Variants in ATXN1 observed in about 807,000 individuals in gnomAD.
ATXN1 encodes ataxin-1.
ATXN1 carries 8 observed loss-of-function variants against 56.4 expected under a neutral mutation model. The ratio of observed to expected loss-of-function variants is 0.14; its 90% CI spans 0.08 to 0.26. ATXN1 has a LOEUF of 0.26. Among genes scored for constraint, ATXN1 ranks in the 10% least tolerant of loss-of-function variants. The probability of loss-of-function intolerance (pLI) is 1.00; values close to 1 mark genes in which losing one functional copy is unlikely to be tolerated. For missense variants in ATXN1, 987 were observed against 1,106.5 expected, an observed-to-expected ratio of 0.89 and a Z score of 1.53; for synonymous variants, 514 against 494.6, an observed-to-expected ratio of 1.04 and a Z score of -0.52.
intron 6 of ATXN1, among the ~76,000 whole-genome samples, chr6:16,427,710 G>A (rs1285688215): frequency 6.6e-6 from 1 of 152,198 alleles, no homozygotes; most frequent in Non-Finnish European, 1.5e-5. Context: ...AAGTTTTCAG[G>A]CAGATACAAC....
At chr6:16,567,548 T>C (rs529479290) in intron 4 of ATXN1, among the ~76,000 whole-genome samples, 2 of 152,312 alleles carry the variant, frequency 1.3e-5, no homozygotes, top group African/African-American at 4.8e-5. Context: ...ACAATCTAAC[T>C]CTGACAAGCT....
At chr6:16,585,443 C>T (rs543033687) in intron 4 of ATXN1, among the ~76,000 whole-genome samples, 9 of 152,150 alleles carry the variant, frequency 5.9e-5, no homozygotes, top group Non-Finnish European at 1.2e-4. Context: ...ATCTCTACTA[C>T]TTCTACAATC....
chr6:16,368,715 GA>G (rs1761980535), intron 6 of ATXN1, among the ~76,000 whole-genome samples: 2 of 152,132 alleles, frequency 1.3e-5, no homozygotes, highest in African/African-American at 4.8e-5. Context: ...AAAATGTGAT[GA>G]GGAATAGTAA....
At chr6:16,471,768 G>T (rs1760224116) in intron 6 of ATXN1, among the ~76,000 whole-genome samples, 1 of 151,928 alleles carries the variant, frequency 6.6e-6, no homozygotes, top group African/African-American at 2.4e-5. Context: ...CATAAGAGAA[G>T]GTTGGAAGAG....
At chr6:16,604,353 GT>G (rs1762964121) in intron 3 of ATXN1, among the ~76,000 whole-genome samples, 1 of 149,286 alleles carries the variant, frequency 6.7e-6, no homozygotes, top group South Asian at 2.1e-4. Context: ...AAAAATTATC[GT>G]GGCACGTGGT....
At chr6:16,518,175 G>A (rs1409865698) in intron 5 of ATXN1, among the ~76,000 whole-genome samples, 1 of 152,220 alleles carries the variant, frequency 6.6e-6, no homozygotes, top group East Asian at 1.9e-4. Flanking sequence ...GCCTGATGGG[G>A]TGCAGGGAGC....
chr6:16,717,533 TCAA>T (rs1759663883), intron 2 of ATXN1, among the ~76,000 whole-genome samples: 1 of 152,228 alleles, frequency 6.6e-6, no homozygotes, highest in Non-Finnish European at 1.5e-5. Flanking sequence ...CAGCAATTTC[TCAA>T]GGCACATCAA....
intron 3 of ATXN1, among the ~76,000 whole-genome samples, chr6:16,611,067 A>G (rs1189989750): frequency 6.6e-6 from 1 of 152,148 alleles, no homozygotes; most frequent in Non-Finnish European, 1.5e-5. Flanking sequence ...AGAGCATATA[A>G]CAAACAACTG....
intron 6 of ATXN1, among the ~76,000 whole-genome samples, chr6:16,361,251 C>G (rs143332218): frequency 6.6e-6 from 1 of 152,062 alleles, no homozygotes; most frequent in Admixed American, 6.5e-5. Flanking sequence ...TCAGGGGTAA[C>G]AAGGGTGAAA....
chr6:16,369,545 T>C (rs1761997625), intron 6 of ATXN1, among the ~76,000 whole-genome samples: 1 of 152,214 alleles, frequency 6.6e-6, no homozygotes, highest in African/African-American at 2.4e-5. Context: ...TAAATGCCCA[T>C]GGACAGGGGT....
intron 3 of ATXN1, among the ~76,000 whole-genome samples, chr6:16,617,377 A>T (rs1763233243): frequency 1.3e-5 from 2 of 152,190 alleles, no homozygotes; most frequent in African/African-American, 4.8e-5. Context: ...AAATTAGTCT[A>T]TGTACACATG....
Position 16,552,967 on chromosome 6 carries a change from G to A in ATXN1, c.-360-30279C>T, listed in dbSNP as rs114715336. 1.0e-3 allele frequency among the ~76,000 whole-genome samples: 158 copies of A among 152,340 alleles called. 1 individual carries two copies. Among genetic ancestry groups the A allele is most frequent in the African/African-American group, 3.7e-3 (152 of 41,584 alleles). On this transcript the variant is annotated intron_variant, in intron 4 of 7. Coordinates refer to ENST00000436367, the MANE Select transcript of ATXN1 (RefSeq NM_001128164.2). The stretch of plus-strand genomic sequence containing the variant: ...ATCATTAAAACGCCAGAGAACCAAA[G>A]GGCTTCGACTTCAGGAGACCTCCTT...
intron 2 of ATXN1, among the ~76,000 whole-genome samples, chr6:16,699,710 C>T (rs1027502744): frequency 8.5e-5 from 13 of 152,178 alleles, no homozygotes; most frequent in Admixed American, 3.3e-4. Flanking sequence ...TTTTTATTAA[C>T]GTAAGACCTC....
At chr6:16,379,751 G>A (rs1301659086) in intron 6 of ATXN1, among the ~76,000 whole-genome samples, 2 of 152,272 alleles carry the variant, frequency 1.3e-5, no homozygotes, top group Non-Finnish European at 1.5e-5. Flanking sequence ...ACTCTACAGA[G>A]GCATCAGCAA....
At chr6:16,524,114 C>T (rs922875420) in intron 4 of ATXN1, among the ~76,000 whole-genome samples, 2 of 152,296 alleles carry the variant, frequency 1.3e-5, no homozygotes, top group East Asian at 3.9e-4. Flanking sequence ...ATGTGGCCGG[C>T]CACCAGGGCA....
chr6:16,644,628 AAT>A (rs1419541657), intron 3 of ATXN1, among the ~76,000 whole-genome samples: 1 of 151,540 alleles, frequency 6.6e-6, no homozygotes, highest in Non-Finnish European at 1.5e-5. Context: ...TTAAAAATCA[AAT>A]TAAGGACACT....
chr6:16,674,397 A>C (rs1458752573), intron 2 of ATXN1, among the ~76,000 whole-genome samples: 1 of 127,884 alleles, frequency 7.8e-6, no homozygotes, highest in Non-Finnish European at 1.5e-5. Context: ...GCTGGAGTGC[A>C]GTGGTGTGAT....
At chr6:16,624,495 T>C (rs989012121) in intron 3 of ATXN1, among the ~76,000 whole-genome samples, 2 of 152,114 alleles carry the variant, frequency 1.3e-5, no homozygotes, top group Non-Finnish European at 2.9e-5. Flanking sequence ...CCACAATGTA[T>C]GGTTTATTTA....
At chr6:16,447,089 C>T (rs907661461) in intron 6 of ATXN1, among the ~76,000 whole-genome samples, 1 of 152,172 alleles carries the variant, frequency 6.6e-6, no homozygotes, top group Non-Finnish European at 1.5e-5. Flanking sequence ...AATGATAGTG[C>T]TTATCACTAG....
Sources: gnomAD v4.1 joint callset for allele counts (sites outside exome capture counted in the v4.1 genomes callset) on GRCh38, gnomAD v4.1.1 for gene constraint, MANE v1.5 for transcripts, NCBI Gene and HGNC (gene_info 2026-07-23, HGNC 2026-07-21) for gene names.